The following LGR4 variants were observed in gnomAD, a reference collection of about 807,000 sequenced individuals.
The protein encoded by LGR4 is leucine-rich repeat-containing G protein-coupled receptor 4.
LGR4 carries 44 observed loss-of-function variants against 84.8 expected under a neutral mutation model. The observed-to-expected ratio is 0.52, with a 90% CI of 0.41 to 0.67. The LOEUF (loss-of-function observed/expected upper bound fraction) is 0.67. Among genes scored for constraint, LGR4 ranks in the 30% least tolerant of loss-of-function variants. LGR4 has a pLI of 0.00. For missense variants in LGR4, 1,032 were observed against 1,131.4 expected, an observed-to-expected ratio of 0.91 and a Z score of 1.26; for synonymous variants, 429 against 434.3, an observed-to-expected ratio of 0.99 and a Z score of 0.15.
intron 1 of LGR4, among the ~76,000 whole-genome samples, chr11:27,446,026 T>C (rs1864382978): frequency 1.3e-5 from 2 of 152,210 alleles, no homozygotes; most frequent in African/African-American, 2.4e-5. Context: ...TATTCAACAT[T>C]TAAGAGTATG....
At chr11:27,424,801 T>C (rs1863989661) in intron 1 of LGR4, among the ~76,000 whole-genome samples, 1 of 152,172 alleles carries the variant, frequency 6.6e-6, no homozygotes. Context: ...CAGGCTGGAG[T>C]GCAATGGCGC....
intron 2 of LGR4, among the ~76,000 whole-genome samples, chr11:27,397,540 A>C (rs1475293001): frequency 6.6e-6 from 1 of 152,222 alleles, no homozygotes; most frequent in African/African-American, 2.4e-5. Context: ...TACTACTAAA[A>C]GGGTGAGAAA....
At chr11:27,471,418 T>G (rs544606316) in intron 1 of LGR4, among the ~76,000 whole-genome samples, 2 of 152,364 alleles carry the variant, frequency 1.3e-5, no homozygotes, top group East Asian at 3.9e-4. Flanking sequence ...AAAGGCCTTG[T>G]TGGGTAAGAG....
At chr11:27,445,610 G>A (rs980600344) in intron 1 of LGR4, among the ~76,000 whole-genome samples, 10 of 152,140 alleles carry the variant, frequency 6.6e-5, no homozygotes, top group African/African-American at 2.4e-4. Context: ...TGGTTTCAGT[G>A]GCTCACACCT....
chr11:27,368,260 C>T lies in LGR4; in HGVS notation c.2463G>A (p.Lys821=). 6.2e-7 allele frequency: 1 copy of T among 1,614,218 alleles called. No homozygotes were observed. The highest frequency in any genetic ancestry group is 1.1e-5 in the South Asian group (1 of 91,086). ...DWKLLKRRVT[K]KSGSVSVSIS... is the part of the protein sequence containing the mutation. Reference sequence around the variant, plus strand: ...TGGAAACTGAAACTGATCCACTTTTCTTGGTAACACGTCGCTTCAGTAACT... The same window carrying T: ...TGGAAACTGAAACTGATCCACTTTTTTTGGTAACACGTCGCTTCAGTAACT... Residue 821 remains lysine (K), a synonymous_variant, in exon 18 of 18, where the codon AAG becomes AAA. Transcript: ENST00000379214.
chr11:27,398,994 C>T (rs114772483), intron 2 of LGR4, among the ~76,000 whole-genome samples: 5,448 of 152,148 alleles, frequency 0.036, 102 homozygotes, highest in Middle Eastern at 0.089. Context: ...GCAACTGCCG[C>T]CTCCCAGGTT....
At chr11:27,422,428 A>C (rs1034677923) in intron 1 of LGR4, among the ~76,000 whole-genome samples, 1 of 152,214 alleles carries the variant, frequency 6.6e-6, no homozygotes, top group African/African-American at 2.4e-5. Context: ...TTGTGAAATC[A>C]TTTCAATGGG....
At chr11:27,445,312 A>G (rs1864371349) in intron 1 of LGR4, among the ~76,000 whole-genome samples, 1 of 152,192 alleles carries the variant, frequency 6.6e-6, no homozygotes, top group Admixed American at 6.5e-5. Context: ...TGTGGGTTCA[A>G]ATTCTGGTTA....
At chr11:27,404,424 C>T (rs1863563644) in intron 2 of LGR4, among the ~76,000 whole-genome samples, 1 of 152,210 alleles carries the variant, frequency 6.6e-6, no homozygotes, top group Non-Finnish European at 1.5e-5. Flanking sequence ...CTAAGCCCAA[C>T]TGAGGGCTTA....
At chr11:27,443,469 T>C (rs975602126) in intron 1 of LGR4, among the ~76,000 whole-genome samples, 3 of 152,164 alleles carry the variant, frequency 2.0e-5, no homozygotes, top group Non-Finnish European at 4.4e-5. Context: ...CCCTAATTAC[T>C]TGGCCACTTT....
intron 1 of LGR4, among the ~76,000 whole-genome samples, chr11:27,420,434 A>G (rs1863905889): frequency 6.6e-6 from 1 of 152,114 alleles, no homozygotes; most frequent in African/African-American, 2.4e-5. Context: ...AAAACAAGTA[A>G]ATACTATGAC....
At chr11:27,413,933 A>G (rs1326088079) in intron 1 of LGR4, among the ~76,000 whole-genome samples, 2 of 152,214 alleles carry the variant, frequency 1.3e-5, no homozygotes, top group East Asian at 3.9e-4. Flanking sequence ...TCCTCTCACT[A>G]AAATTTAGAA....
At chr11:27,379,170 C>A (rs2472625) in intron 10 of LGR4, 2 of 190,766 alleles carry the variant, frequency 1.0e-5, no homozygotes, top group Non-Finnish European at 2.1e-5. Context: ...GCTCAGCATT[C>A]GAAAATGTTC....
chr11:27,373,692 G>C lies in LGR4; in HGVS notation c.1254-16C>G. 1 of 1,554,330 alleles carries C rather than the reference G, an allele frequency of 6.4e-7. No homozygotes were observed. Among genetic ancestry groups the C allele is most frequent in the Non-Finnish European group, 8.7e-7 (1 of 1,145,798 alleles). On this transcript the variant is annotated splice_polypyrimidine_tract_variant and intron_variant, in intron 14 of 17. Transcript: ENST00000379214. ...ACTTACATCTCTAAAATATGAATGA[G>C]ACTTCAAGTTAATGCCCAATATATA...
At chr11:27,443,801 T>C (rs1455976340) in intron 1 of LGR4, among the ~76,000 whole-genome samples, 2 of 152,168 alleles carry the variant, frequency 1.3e-5, no homozygotes, top group Admixed American at 6.5e-5. Context: ...AAAGGCCATA[T>C]TTGCCTGCAG....
At chr11:27,414,203 A>C (rs896703416) in intron 1 of LGR4, among the ~76,000 whole-genome samples, 5 of 152,080 alleles carry the variant, frequency 3.3e-5, no homozygotes, top group African/African-American at 1.2e-4. Flanking sequence ...CCATGACCTT[A>C]AGTGCAAACG....
At chr11:27,457,101 CTG>C in intron 1 of LGR4, among the ~76,000 whole-genome samples, 1 of 152,182 alleles carries the variant, frequency 6.6e-6, no homozygotes, top group Non-Finnish European at 1.5e-5. Flanking sequence ...CACCCACTAA[CTG>C]TGGGATATTT....
intron 1 of LGR4, among the ~76,000 whole-genome samples, chr11:27,441,948 C>T (rs1478689547): frequency 1.1e-4 from 16 of 152,160 alleles, no homozygotes; most frequent in Admixed American, 1.0e-3. Context: ...AGGATCAGAA[C>T]TAAAGGTCAG....
chr11:27,460,614 A>T (rs765467863), intron 1 of LGR4, among the ~76,000 whole-genome samples: 1 of 152,228 alleles, frequency 6.6e-6, no homozygotes, highest in Non-Finnish European at 1.5e-5. Flanking sequence ...GAATGTAATG[A>T]GGCTCTGGAA....
Sources: gnomAD v4.1 joint callset for allele counts (sites outside exome capture counted in the v4.1 genomes callset) on GRCh38, gnomAD v4.1.1 for gene constraint, MANE v1.5 for transcripts, NCBI Gene and HGNC (gene_info 2026-07-23, HGNC 2026-07-21) for gene names.